The following ZYG11A variants were observed in gnomAD, a reference collection of about 807,000 sequenced individuals.
ZYG11A encodes protein zyg-11 homolog A.
ZYG11A carries 62 observed loss-of-function variants against 77.2 expected under a neutral mutation model. That is an observed-to-expected ratio of 0.80 (90% CI 0.65 to 0.99). The LOEUF is 0.99. ZYG11A is among the 50% of genes least tolerant of loss of function. The probability of loss-of-function intolerance (pLI) is 0.00; values close to 1 mark genes in which losing one functional copy is unlikely to be tolerated. For missense variants in ZYG11A, 828 were observed against 896.8 expected, an observed-to-expected ratio of 0.92 and a Z score of 0.98; for synonymous variants, 315 against 324.6, an observed-to-expected ratio of 0.97 and a Z score of 0.32.
intron 1 of ZYG11A, among the ~76,000 whole-genome samples, chr1:52,850,431 G>GAA (rs1204071416): frequency 6.6e-6 from 1 of 151,264 alleles, no homozygotes; most frequent in Non-Finnish European, 1.5e-5. Context: ...CTATTGTCCT[G>GAA]CCTCAGCCTC....
chr1:52,844,263 A>C (rs1246803991), intron 1 of ZYG11A, among the ~76,000 whole-genome samples: 1 of 152,150 alleles, frequency 6.6e-6, no homozygotes, highest in Non-Finnish European at 1.5e-5. Flanking sequence ...TTACATATTA[A>C]CGCCTTGTTG....
At chr1:52,869,136 A>G (rs1646086838) in intron 8 of ZYG11A, among the ~76,000 whole-genome samples, 1 of 139,136 alleles carries the variant, frequency 7.2e-6, no homozygotes, top group African/African-American at 2.7e-5. Context: ...TGAGTCATTT[A>G]TATTTTTTGT....
At chr1:52,883,459 G>A (rs964151902) in intron 11 of ZYG11A, among the ~76,000 whole-genome samples, 3 of 144,418 alleles carry the variant, frequency 2.1e-5, no homozygotes, top group African/African-American at 7.7e-5. Context: ...TTTGAGACTC[G>A]GTCTGTTGCC....
intron 1 of ZYG11A, among the ~76,000 whole-genome samples, chr1:52,847,933 G>C (rs1316281833): frequency 6.6e-6 from 1 of 151,618 alleles, no homozygotes. Flanking sequence ...GCAGTGGCGC[G>C]ATCTCAGCTC....
intron 8 of ZYG11A, among the ~76,000 whole-genome samples, chr1:52,870,853 A>G (rs77602855): frequency 6.6e-6 from 1 of 151,464 alleles, no homozygotes; most frequent in African/African-American, 2.4e-5. Context: ...AGACAGTAGA[A>G]AGAGAGGGAG....
At chr1:52,890,249 G>GTTTTTT (rs908467307) in intron 13 of ZYG11A, among the ~76,000 whole-genome samples, 10 of 71,670 alleles carry the variant, frequency 1.4e-4, no homozygotes, top group East Asian at 1.0e-3. Flanking sequence ...TTTTCTTTTA[G>GTTTTTT]TTTTTTTTTT....
intron 8 of ZYG11A, among the ~76,000 whole-genome samples, chr1:52,873,662 C>G (rs957388817): frequency 6.6e-6 from 1 of 152,102 alleles, no homozygotes; most frequent in Non-Finnish European, 1.5e-5. Flanking sequence ...GAGACAGCAG[C>G]AGAGTTTGAA....
intron 13 of ZYG11A, among the ~76,000 whole-genome samples, chr1:52,887,278 C>T (rs1422340871): frequency 6.6e-6 from 1 of 152,136 alleles, no homozygotes; most frequent in African/African-American, 2.4e-5. Flanking sequence ...AAAGTTTGCT[C>T]CTACTTGTAT....
At position 52,842,975 on chromosome 1, in the gene ZYG11A, T is replaced by A. The variant is rs767190829; in HGVS notation, c.90+2T>A. 2.6e-6 allele frequency: 4 copies of A among 1,515,310 alleles called. No homozygotes were observed. In the South Asian group the frequency reaches 5.0e-5, roughly 19 times the overall value. The allele number at this position is 1,515,310 out of a possible 1,614,324, so 93.9% of individuals were successfully genotyped here. A position where few individuals can be genotyped will look rare whatever the true frequency, so the allele number is the denominator to read the frequency against. On this transcript the variant is annotated splice_donor_variant, in intron 1 of 13. Transcript: ENST00000371528. LOFTEE classifies it high-confidence loss of function. ...GCCCTGGGCTGCTGCGTGGTACAGG[T>A]GAGCACCGGGGTGCGGGCGGCGACG...
chr1:52,874,329 C>T (rs914738887), intron 8 of ZYG11A, among the ~76,000 whole-genome samples: 2 of 152,126 alleles, frequency 1.3e-5, no homozygotes, highest in African/African-American at 4.8e-5. Flanking sequence ...ACTGCAGCCT[C>T]GACCTCCTGG....
chr1:52,848,300 C>T (rs1264901988), intron 1 of ZYG11A, among the ~76,000 whole-genome samples: 1 of 152,158 alleles, frequency 6.6e-6, no homozygotes, highest in Non-Finnish European at 1.5e-5. Context: ...CTGCACTCGC[C>T]CGACATGCTT....
At chr1:52,849,846 C>A (rs1164772610) in intron 1 of ZYG11A, among the ~76,000 whole-genome samples, 1 of 151,798 alleles carries the variant, frequency 6.6e-6, no homozygotes, top group African/African-American at 2.4e-5. Flanking sequence ...CCACGCCCAG[C>A]TAATTTTTAA....
chr1:52,849,210 C>CTG (rs1645657129), intron 1 of ZYG11A, among the ~76,000 whole-genome samples: 1 of 150,500 alleles, frequency 6.6e-6, no homozygotes, highest in African/African-American at 2.5e-5. Flanking sequence ...ATTGGGATTA[C>CTG]AGGCGCGTGC....
At chr1:52,849,705 C>G (rs1460331352) in intron 1 of ZYG11A, among the ~76,000 whole-genome samples, 1 of 142,256 alleles carries the variant, frequency 7.0e-6, no homozygotes, top group Admixed American at 7.2e-5. Flanking sequence ...TTTTTTGAGA[C>G]GGAGTCTCCC....
chr1:52,867,550 C>T lies in ZYG11A; in HGVS notation c.1403C>T (p.Ala468Val), dbSNP rs1053407702. 3 of 1,551,334 alleles carry T rather than the reference C, an allele frequency of 1.9e-6. No homozygotes were observed. In the African/African-American group the frequency reaches 4.1e-5, roughly 21 times the overall value. The stretch of plus-strand genomic sequence containing the variant: ...ATACTGCTTTTCAGGTTTGATGCTG[C>T]CAAGTTTGTCATGAGATGGCTCTGT... The part of the protein sequence containing the change: ...VDVPFDRFDA[A>V]KFVMRWLCKH... The change falls in exon 7 of 14, where the codon GCC (alanine) becomes GTC (valine). Residue 468 changes from alanine to valine, a missense_variant. Coordinates refer to ENST00000371528, the MANE Select transcript of ZYG11A (RefSeq NM_001004339.3).
At chr1:52,867,170 T>G (rs1486317919) in intron 6 of ZYG11A, among the ~76,000 whole-genome samples, 3 of 152,206 alleles carry the variant, frequency 2.0e-5, no homozygotes, top group African/African-American at 7.2e-5. Flanking sequence ...AGTCACTTTG[T>G]AACTGAGTGA....
chr1:52,883,762 GT>G lies in ZYG11A; in HGVS notation c.1945-2068del, dbSNP rs1646400571. Among the ~76,000 whole-genome samples the G allele has an allele frequency of 2.0e-5, 3 of 152,016 alleles. No homozygotes were observed. In the South Asian group the frequency reaches 6.2e-4, roughly 32 times the overall value. On this transcript the variant is annotated intron_variant, in intron 11 of 13. Transcript: ENST00000371528. Reference sequence around the variant, plus strand: ...GTTTTCCTGTTCGTCCAAGGCTACTGTTTCCTGCAAGTTGCTTTTTTTCCTA... The same window carrying G: ...GTTTTCCTGTTCGTCCAAGGCTACTGTTCCTGCAAGTTGCTTTTTTTCCTA...
intron 1 of ZYG11A, among the ~76,000 whole-genome samples, chr1:52,847,314 C>T (rs555713634): frequency 3.9e-5 from 6 of 152,302 alleles, no homozygotes; most frequent in Non-Finnish European, 7.3e-5. Context: ...ATCCACCCAC[C>T]TTGGCCTCCC....
chr1:52,847,853 TTTATTTA>T lies in ZYG11A; in HGVS notation c.90+4883_90+4889del, dbSNP rs1558156951. On this transcript the variant is annotated intron_variant, in intron 1 of 13. Coordinates refer to ENST00000371528, the MANE Select transcript of ZYG11A (RefSeq NM_001004339.3). ...CCTTGCTAATTTATTTATTTATTTATTTATTTATTTATTTATTTATTTATTTATTTTT... is the reference window on the plus strand; with the variant it reads ...CCTTGCTAATTTATTTATTTATTTATTTTATTTATTTATTTATTTATTTTT... Among the ~76,000 whole-genome samples, 3 of 92,020 alleles carry T rather than the reference TTTATTTA, an allele frequency of 3.3e-5. No individual in the cohort carries two copies. The East Asian group carries it at 6.0e-4, about 19-fold the overall frequency. 60.4% of individuals were successfully genotyped at this position (92,020 alleles called of 152,430 possible).
Sources: gnomAD v4.1 joint callset for allele counts (sites outside exome capture counted in the v4.1 genomes callset) on GRCh38, gnomAD v4.1.1 for gene constraint, MANE v1.5 for transcripts, NCBI Gene and HGNC (gene_info 2026-07-23, HGNC 2026-07-21) for gene names.